The following RFX2 variants were observed in gnomAD, a reference collection of about 807,000 sequenced individuals.
RFX2 encodes the protein regulatory factor X2, also known as DNA-binding protein RFX2.
RFX2 carries 20 observed loss-of-function variants against 87.8 expected under a neutral mutation model. The ratio of observed to expected loss-of-function variants is 0.23; its 90% CI spans 0.16 to 0.33. The LOEUF is 0.33. Ranked by LOEUF, RFX2 falls within the 10% of genes least tolerant of loss-of-function variation. The pLI is 1.00. For synonymous variants in RFX2, 397 were observed against 431.3 expected (o/e 0.92, Z 0.98); for missense variants, 767 against 1,012.3 (o/e 0.76, Z 3.29).
chr19:6,050,675 G>A lies in RFX2; in HGVS notation c.-8-3171C>T, dbSNP rs1283841976. ...TCTGAAGAATGAAGAGAAAATATAT[G>A]AAGAAACATGAATAGAACAAACTGT... is the stretch of plus-strand genomic sequence containing the variant. On this transcript the variant is annotated intron_variant, in intron 1 of 17. Transcript: ENST00000303657. The surrounding 1 kb of genome is among the most constrained non-coding windows in gnomAD (Gnocchi z 4.6). 6.6e-6 allele frequency among the ~76,000 whole-genome samples: 1 copy of A among 152,094 alleles called. No homozygotes were observed. Among genetic ancestry groups the A allele is most frequent in the Non-Finnish European group, 1.5e-5 (1 of 67,998 alleles).
In RFX2 at chr19:6,040,384, AC is replaced by A; in HGVS notation, c.261-144del. ...TGGAGCAATTCGGACGTGGCATATG[AC>A]ACTCAAATGCAGCGCAAGTTCACAG... On this transcript the variant is annotated intron_variant, in intron 4 of 17. Coordinates refer to ENST00000303657, the MANE Select transcript of RFX2 (RefSeq NM_000635.4). The surrounding 1 kb of genome is among the most constrained non-coding windows in gnomAD (Gnocchi z 6.1). 2 of 788,728 alleles carry A rather than the reference AC, an allele frequency of 2.5e-6. No homozygotes were observed. The allele number at this position is 788,728 out of a possible 1,614,324, so 48.9% of individuals were successfully genotyped here. A position where few individuals can be genotyped will look rare whatever the true frequency, so the allele number is the denominator to read the frequency against.
At chr19:6,048,067 T>G (rs1394717553) in intron 1 of RFX2, among the ~76,000 whole-genome samples, 1 of 152,140 alleles carries the variant, frequency 6.6e-6, no homozygotes, top group Non-Finnish European at 1.5e-5. Context: ...GAGCGCCCCC[T>G]CCCCAAGCTG....
rs1455746726 is a variant in RFX2, at chr19:5,994,886, G to A, written c.2121C>T (p.Pro707=). The change falls in exon 18 of 18, where the codon CCC becomes CCT. Residue 707 remains proline (P), a synonymous_variant. Coordinates refer to ENST00000303657, the MANE Select transcript of RFX2 (RefSeq NM_000635.4). The part of the protein sequence containing the change: ...AGPDARSLGE[P]LVKRERSDPN... The stretch of plus-strand genomic sequence containing the variant: ...GGTCACTGCGCTCCCGCTTTACCAG[G>A]GGCTCACCCAGGCTGCGGGCGTCTG... 1.2e-6 allele frequency: 2 copies of A among 1,610,640 alleles called. No homozygotes were observed. The highest frequency in any genetic ancestry group is 1.7e-6 in the Non-Finnish European group (2 of 1,179,914).
intron 1 of RFX2, among the ~76,000 whole-genome samples, chr19:6,081,679 G>A (rs1043227729): frequency 5.3e-5 from 8 of 152,220 alleles, no homozygotes; most frequent in East Asian, 1.9e-4. Flanking sequence ...AGGGCTGGGC[G>A]CGGCGGCTCA....
Position 6,056,751 on chromosome 19 carries a change from C to T in RFX2, c.-8-9247G>A, listed in dbSNP as rs972101867. Among the ~76,000 whole-genome samples, 2 of 152,216 alleles carry T rather than the reference C, an allele frequency of 1.3e-5. No individual in the cohort carries two copies. The highest frequency in any genetic ancestry group is 1.9e-4 in the East Asian group (1 of 5,206). On this transcript the variant is annotated intron_variant, in intron 1 of 17. Coordinates refer to ENST00000303657, the MANE Select transcript of RFX2 (RefSeq NM_000635.4). This position sits in a 1 kb window ranked among gnomAD's most constrained non-coding sequence, Gnocchi z 4.6. ...CTGCCCTGCCGTCCTTGCTTTCTCG[C>T]GTTCCTTTGTCCTCTCTTCTGTTTT...
chr19:6,021,650 G>T lies in RFX2; in HGVS notation c.597+4513C>A, dbSNP rs1265982287. ...AAGGCCCTGGGGCAGGTCCGAGCCTGGTGCATTGGAGGAATAGCGAGGAGG... is the reference window on the plus strand; with the variant it reads ...AAGGCCCTGGGGCAGGTCCGAGCCTTGTGCATTGGAGGAATAGCGAGGAGG... On this transcript the variant is annotated intron_variant, in intron 6 of 17. Coordinates refer to ENST00000303657, the MANE Select transcript of RFX2 (RefSeq NM_000635.4). The surrounding 1 kb of genome is among the most constrained non-coding windows in gnomAD (Gnocchi z 5.7). 6.6e-6 allele frequency among the ~76,000 whole-genome samples: 1 copy of T among 152,230 alleles called. No individual in the cohort carries two copies. The highest frequency in any genetic ancestry group is 2.4e-5 in the African/African-American group (1 of 41,466).
chr19:6,027,769 T>C lies in RFX2; in HGVS notation c.523-1532A>G, dbSNP rs900699034. Among the ~76,000 whole-genome samples the C allele has an allele frequency of 2.0e-5, 3 of 152,236 alleles. No individual in the cohort carries two copies. Among genetic ancestry groups the C allele is most frequent in the African/African-American group, 4.8e-5 (2 of 41,472 alleles). On this transcript the variant is annotated intron_variant, in intron 5 of 17. Coordinates refer to ENST00000303657, the MANE Select transcript of RFX2 (RefSeq NM_000635.4). The surrounding 1 kb of genome is among the most constrained non-coding windows in gnomAD (Gnocchi z 5.0). ...CCTGAAAAAGAGCTTTATTTACTTA[T>C]CTTTTTCTTGAGCCAGAGTCTTACT...
At chr19:6,052,730 G>T (rs2087282700) in intron 1 of RFX2, among the ~76,000 whole-genome samples, 1 of 152,112 alleles carries the variant, frequency 6.6e-6, no homozygotes, top group East Asian at 1.9e-4. Flanking sequence ...TTAGAAATCA[G>T]TAAGAAGGTT....
chr19:6,073,500 A>G (rs760112062), intron 1 of RFX2: 71 of 785,810 alleles, frequency 9.0e-5, no homozygotes, highest in Non-Finnish European at 1.1e-4. Flanking sequence ...ACCAACCCCA[A>G]TGCCAGGCTG....
chr19:6,003,137 A>G (rs1027643867), intron 13 of RFX2, among the ~76,000 whole-genome samples: 17 of 152,126 alleles, frequency 1.1e-4, no homozygotes, highest in Non-Finnish European at 2.4e-4. Flanking sequence ...CGCCATGCCC[A>G]CTTCTAGAGT....
rs1243779652 is a variant in RFX2 at position 6,050,024 on chromosome 19, A to G, written c.-8-2520T>C. ...TGGAGATTCTGGAAGAGAGAGAGCC[A>G]CAGAAGGGGTGAGCCCTCAAATCTT... On this transcript the variant is annotated intron_variant, in intron 1 of 17. Transcript: ENST00000303657. The surrounding 1 kb of genome is among the most constrained non-coding windows in gnomAD (Gnocchi z 4.6). 6.6e-6 allele frequency among the ~76,000 whole-genome samples: 1 copy of G among 152,262 alleles called. No individual in the cohort carries two copies. The highest frequency in any genetic ancestry group is 1.5e-5 in the Non-Finnish European group (1 of 68,048).
intron 1 of RFX2, among the ~76,000 whole-genome samples, chr19:6,098,394 A>G (rs1010253580): frequency 6.6e-6 from 1 of 151,986 alleles, no homozygotes; most frequent in African/African-American, 2.4e-5. Context: ...TTGGCTGATA[A>G]TAACACCTGT....
intron 9 of RFX2, 65 bp from the exon 10 acceptor site, chr19:6,008,289 G>GTT: frequency 2.0e-6 from 2 of 976,574 alleles, no homozygotes; most frequent in African/African-American, 1.6e-5. Context: ...ACAACTGGAA[G>GTT]GCCACGGTGG....
chr19:6,034,887 C>G (rs1330773634), intron 5 of RFX2, among the ~76,000 whole-genome samples: 1 of 152,018 alleles, frequency 6.6e-6, no homozygotes, highest in Admixed American at 6.5e-5. Context: ...TTTAATTTAC[C>G]GAAAATTTCT....
rs77258383 is a variant in RFX2 at position 6,026,982 on chromosome 19, C to T, written c.523-745G>A. Among the ~76,000 whole-genome samples, 1,956 of 152,054 alleles carry T rather than the reference C, an allele frequency of 0.013. 33 individuals carry two copies. The highest frequency in any genetic ancestry group is 0.041 in the African/African-American group (1,698 of 41,388). On this transcript the variant is annotated intron_variant, in intron 5 of 17. Transcript: ENST00000303657. This position sits in a 1 kb window ranked among gnomAD's most constrained non-coding sequence, Gnocchi z 4.5. ...GAGGGAGGTGGGCGGCAGGTCCACG[C>T]GATGGAGGAGGCACACAGCTGTGCG...
At position 6,047,468 on chromosome 19, in the gene RFX2, G is replaced by A. The variant is rs764367964; in HGVS notation, c.29C>T (p.Ser10Leu). ...GGGACGCAGAGCCACGGACGCTGGC[G>A]AATCCGCTCCACCCTCGGAATTCTG... Reference protein sequence around the residue: MQNSEGGADSPASVALRPSA... With the variant: MQNSEGGADLPASVALRPSA... The change falls in exon 2 of 18, where the codon TCG becomes TTG. Residue 10 changes from serine to leucine, a missense_variant. By Grantham distance (145) the Ser-to-Leu change is moderately radical. This residue lies in a region of RFX2 where 146 missense variants were observed against 139.2 expected (regional missense o/e 1.05). Transcript: ENST00000303657. This position sits in a 1 kb window ranked among gnomAD's most constrained non-coding sequence, Gnocchi z 4.2. The A allele has an allele frequency of 3.7e-6, 6 of 1,607,856 alleles. No homozygotes were observed. Among genetic ancestry groups the A allele is most frequent in the South Asian group, 2.2e-5 (2 of 90,006 alleles).
intron 10 of RFX2, 44 bp downstream of exon 10, chr19:6,008,062 G>C: frequency 7.0e-7 from 1 of 1,421,718 alleles, no homozygotes. Flanking sequence ...GGCGGTTCCC[G>C]GGAGGGACAC....
At chr19:6,046,514 G>A (rs1384148620) in intron 2 of RFX2, among the ~76,000 whole-genome samples, 3 of 149,094 alleles carry the variant, frequency 2.0e-5, no homozygotes, top group African/African-American at 5.0e-5. Context: ...CTGGGAGATC[G>A]TGCCACTGCA....
Position 6,022,425 on chromosome 19 carries a change from C to T in RFX2, c.597+3738G>A, listed in dbSNP as rs758490643. On this transcript the variant is annotated intron_variant, in intron 6 of 17. Transcript: ENST00000303657. The surrounding 1 kb of genome is among the most constrained non-coding windows in gnomAD (Gnocchi z 6.2). ...GACTCTTCCACACGCAGCTCTCTCC[C>T]GCAGGGTGTGCAAGTGATGTGTTTA... is the stretch of plus-strand genomic sequence containing the variant. 5.3e-5 allele frequency among the ~76,000 whole-genome samples: 8 copies of T among 152,214 alleles called. No individual in the cohort carries two copies. The highest frequency in any genetic ancestry group is 8.8e-5 in the Non-Finnish European group (6 of 68,034).
Sources: allele counts gnomAD v4.1 joint callset (sites outside exome capture counted in the v4.1 genomes callset), GRCh38; gene constraint gnomAD v4.1.1; regional missense constraint gnomAD v4.1.1; non-coding constraint Gnocchi (gnomAD v3.1); transcripts MANE v1.5; gene names NCBI Gene and HGNC (gene_info 2026-07-23, HGNC 2026-07-21).